The following SLC9A9 variants were observed in gnomAD, a reference collection of about 807,000 sequenced individuals.
SLC9A9 encodes the protein solute carrier family 9 member A9.
A neutral mutation model predicts 77.8 loss-of-function variants in SLC9A9; 62 were observed. That is an observed-to-expected ratio of 0.80 (90% CI 0.65 to 0.98). The LOEUF (loss-of-function observed/expected upper bound fraction) is 0.98. Among genes scored for constraint, SLC9A9 ranks in the 50% least tolerant of loss-of-function variants. The pLI, the probability that SLC9A9 is intolerant of heterozygous loss-of-function variation, is 0.00. For synonymous variants in SLC9A9, 320 were observed against 283.5 expected (o/e 1.13, Z -1.29); for missense variants, 775 against 774.9 (o/e 1.00, Z 0.00).
Position 143,552,347 on chromosome 3 carries a change from A to C in SLC9A9, c.1089+15T>G, listed in dbSNP as rs761197483. 2.5e-6 allele frequency: 4 copies of C among 1,596,950 alleles called. No homozygotes were observed. In the Admixed American group the frequency reaches 6.7e-5, roughly 27 times the overall value. Reference sequence around the variant, plus strand: ...GAGAAAAGAGACCAAGTCTGTAGTAAATTTTTTCTTTTACCTGTTTAGTTC... The same window carrying C: ...GAGAAAAGAGACCAAGTCTGTAGTACATTTTTTCTTTTACCTGTTTAGTTC... On this transcript the variant is annotated intron_variant, in intron 9 of 15. Coordinates refer to ENST00000316549, the MANE Select transcript of SLC9A9 (RefSeq NM_173653.4).
chr3:143,539,899 T>A (rs930482519), intron 9 of SLC9A9, among the ~76,000 whole-genome samples: 13 of 140,538 alleles, frequency 9.3e-5, no homozygotes, highest in Admixed American at 1.4e-4. Context: ...AGAGAGAGAG[T>A]GTGCAAGTGA....
At position 143,467,138 on chromosome 3, in the gene SLC9A9, C is replaced by T. The variant is rs370039028; in HGVS notation, c.1368G>A (p.Gln456=). Reference sequence around the variant, plus strand: ...TAGTGGTAAACATCATTTGTTTGGGCTGAGATTCTGTGTTCCGAATAGCTA... The same window carrying T: ...TAGTGGTAAACATCATTTGTTTGGGTTGAGATTCTGTGTTCCGAATAGCTA... ...FALAIRNTES[Q]PKQMMFTTTL... is the part of the protein sequence containing the mutation. Residue 456 remains glutamine (Q), a synonymous_variant, in exon 12 of 16, where the codon CAG becomes CAA. Transcript: ENST00000316549. 2.0e-5 allele frequency: 33 copies of T among 1,614,200 alleles called. No homozygotes were observed. The East Asian group carries it at 4.2e-4, about 21-fold the overall frequency.
At chr3:143,723,455 A>G (rs936518221) in intron 4 of SLC9A9, among the ~76,000 whole-genome samples, 1 of 152,132 alleles carries the variant, frequency 6.6e-6, no homozygotes, top group Admixed American at 6.5e-5. Flanking sequence ...TAAACCTGGT[A>G]TACACATCCC....
rs80167804 is a variant in SLC9A9, at chr3:143,728,280, G to A, written c.534-34973C>T. Among the ~76,000 whole-genome samples, 1,295 of 152,276 alleles carry A rather than the reference G, an allele frequency of 8.5e-3. 24 individuals are homozygous for A. The highest frequency in any genetic ancestry group is 0.03 in the African/African-American group (1,239 of 41,556). On this transcript the variant is annotated intron_variant, in intron 4 of 15. Coordinates refer to ENST00000316549, the MANE Select transcript of SLC9A9 (RefSeq NM_173653.4). ...TGTCAGTGGTGGAGAAAAAACTGGA[G>A]TGAGATGGAGGGAATGGGAGGAGGA...
chr3:143,735,771 C>G (rs145242464), intron 4 of SLC9A9, among the ~76,000 whole-genome samples: 1 of 152,158 alleles, frequency 6.6e-6, no homozygotes, highest in Non-Finnish European at 1.5e-5. Flanking sequence ...AACAGTATAA[C>G]GTTAGTGTGT....
intron 6 of SLC9A9, among the ~76,000 whole-genome samples, chr3:143,630,276 G>T (rs746374712): frequency 2.0e-5 from 3 of 152,204 alleles, no homozygotes; most frequent in Non-Finnish European, 4.4e-5. Flanking sequence ...GTAGGGAAAA[G>T]AGGCAAAACC....
chr3:143,445,323 C>T (rs1382189031), intron 12 of SLC9A9, among the ~76,000 whole-genome samples: 1 of 152,196 alleles, frequency 6.6e-6, no homozygotes. Context: ...ACTGAAGCCA[C>T]ATCTCATGGG....
chr3:143,753,136 T>A (rs953280715), intron 4 of SLC9A9, among the ~76,000 whole-genome samples: 5 of 152,226 alleles, frequency 3.3e-5, no homozygotes, highest in Non-Finnish European at 7.4e-5. Flanking sequence ...TGGAGCAGAA[T>A]GGCTCCAAGA....
At chr3:143,419,775 A>G (rs192815111) in intron 12 of SLC9A9, among the ~76,000 whole-genome samples, 3 of 152,326 alleles carry the variant, frequency 2.0e-5, no homozygotes, top group Admixed American at 2.0e-4. Flanking sequence ...ACAAGGCCCT[A>G]TGAAAAACAA....
chr3:143,760,946 A>G (rs546272628), intron 4 of SLC9A9, among the ~76,000 whole-genome samples: 2 of 152,290 alleles, frequency 1.3e-5, no homozygotes, highest in Admixed American at 1.3e-4. Context: ...AAACTATACT[A>G]CAAGGCTACA....
At chr3:143,532,227 C>T (rs557663615) in intron 9 of SLC9A9, among the ~76,000 whole-genome samples, 1 of 152,240 alleles carries the variant, frequency 6.6e-6, no homozygotes, top group Non-Finnish European at 1.5e-5. Flanking sequence ...ACAGGGAGAG[C>T]CCTGATTTGT....
chr3:143,475,791 C>CAA (rs374147740), intron 11 of SLC9A9, among the ~76,000 whole-genome samples: 97 of 130,196 alleles, frequency 7.5e-4, no homozygotes, highest in Middle Eastern at 7.8e-3. Context: ...GACTCCATCT[C>CAA]AAAAAAAAAA....
At chr3:143,458,754 T>C (rs2035137234) in intron 12 of SLC9A9, among the ~76,000 whole-genome samples, 1 of 152,120 alleles carries the variant, frequency 6.6e-6, no homozygotes, top group Non-Finnish European at 1.5e-5. Context: ...TAAGACAATG[T>C]TAAAATTTTT....
intron 9 of SLC9A9, among the ~76,000 whole-genome samples, chr3:143,520,737 A>T (rs2036282674): frequency 6.6e-6 from 1 of 152,194 alleles, no homozygotes; most frequent in African/African-American, 2.4e-5. Flanking sequence ...GAACCCAGCT[A>T]GTCTGACTCC....
chr3:143,589,142 G>T (rs138857181), intron 6 of SLC9A9, among the ~76,000 whole-genome samples: 2 of 152,222 alleles, frequency 1.3e-5, no homozygotes, highest in African/African-American at 2.4e-5. Flanking sequence ...CTCAAAATAC[G>T]ATTCCCTGTA....
intron 5 of SLC9A9, among the ~76,000 whole-genome samples, chr3:143,677,926 G>A (rs191213019): frequency 5.4e-5 from 8 of 148,480 alleles, no homozygotes; most frequent in African/African-American, 1.0e-4. Flanking sequence ...CCCCTGGTTC[G>A]TGTCATTCTC....
At chr3:143,544,222 C>CTTTT (rs1194506274) in intron 9 of SLC9A9, among the ~76,000 whole-genome samples, 4 of 151,918 alleles carry the variant, frequency 2.6e-5, no homozygotes, top group Non-Finnish European at 5.9e-5. Context: ...TTTTCTTTTT[C>CTTTT]TTTTTCTTTT....
intron 2 of SLC9A9, among the ~76,000 whole-genome samples, chr3:143,823,490 T>C (rs1467985436): frequency 1.3e-5 from 2 of 152,010 alleles, no homozygotes; most frequent in African/African-American, 4.8e-5. Context: ...GCCGCAAGAC[T>C]CAGAATACAG....
chr3:143,392,037 A>C (rs2033582042), intron 12 of SLC9A9, among the ~76,000 whole-genome samples: 2 of 152,212 alleles, frequency 1.3e-5, no homozygotes, highest in South Asian at 4.1e-4. Context: ...GCAGGATATT[A>C]TCCAGGAGAA....
Sources: allele counts gnomAD v4.1 joint callset (sites outside exome capture counted in the v4.1 genomes callset), GRCh38; gene constraint gnomAD v4.1.1; transcripts MANE v1.5; gene names NCBI Gene and HGNC (gene_info 2026-07-23, HGNC 2026-07-21).